NTRK3: variants seen among roughly 807,000 people sequenced by gnomAD.
The protein encoded by NTRK3 is neurotrophic receptor tyrosine kinase 3.
A neutral mutation model predicts 91.7 loss-of-function variants in NTRK3; 24 were observed. The ratio of observed to expected loss-of-function variants is 0.26; its 90% CI spans 0.19 to 0.37. The LOEUF (loss-of-function observed/expected upper bound fraction) is 0.37. Among genes scored for constraint, NTRK3 ranks in the 10% least tolerant of loss-of-function variants. The pLI, the probability that NTRK3 is intolerant of heterozygous loss-of-function variation, is 1.00. For synonymous variants in NTRK3, 483 were observed against 404.0 expected, an observed-to-expected ratio of 1.20 and a Z score of -2.34; for missense variants, 880 against 1,068.9, an observed-to-expected ratio of 0.82 and a Z score of 2.46.
chr15:87,984,820 A>T (rs76767964), intron 14 of NTRK3, among the ~76,000 whole-genome samples: 4,542 of 152,250 alleles, frequency 0.03, 244 homozygotes, highest in African/African-American at 0.1. Flanking sequence ...CCACTGCGGT[A>T]GCCACTCAGT....
chr15:87,933,133 C>T (rs780933441), exon 16 of NTRK3: 7 of 1,613,974 alleles, frequency 4.3e-6, no homozygotes, highest in African/African-American at 1.3e-5. Context: ...GTGAGCAGCT[C>T]GGCCTCCCTC....
At chr15:88,036,951 A>G (rs879475121) in intron 13 of NTRK3, among the ~76,000 whole-genome samples, 5 of 152,242 alleles carry the variant, frequency 3.3e-5, no homozygotes, top group African/African-American at 9.6e-5. Flanking sequence ...CTGCTCACAT[A>G]AAGTCCATAG....
At chr15:88,140,648 C>G (rs2042300546) in intron 6 of NTRK3, among the ~76,000 whole-genome samples, 1 of 152,222 alleles carries the variant, frequency 6.6e-6, no homozygotes, top group Non-Finnish European at 1.5e-5. Context: ...CATGCATCAT[C>G]AGAGCAATGA....
chr15:88,036,782 C>G lies in NTRK3; in HGVS notation c.1397-3737G>C, dbSNP rs150822980. Among the ~76,000 whole-genome samples the G allele has an allele frequency of 5.3e-4, 80 of 152,302 alleles. No individual in the cohort carries two copies. The Middle Eastern group carries it at 0.024, about 45-fold the overall frequency. On this transcript the variant is annotated intron_variant, in intron 13 of 18. Coordinates refer to ENST00000394480, the Ensembl canonical transcript of NTRK3. ...AATGCAGGAAGACACAAAGACCACACGCAACAGAAGTTCACCTCCAACCCC... is the reference window on the plus strand; with the variant it reads ...AATGCAGGAAGACACAAAGACCACAGGCAACAGAAGTTCACCTCCAACCCC...
chr15:87,877,255 G>A (rs2064991631), intron 18 of NTRK3, 135 bp from the exon 20 acceptor site: 3 of 911,520 alleles, frequency 3.3e-6, no homozygotes. Context: ...ACAAGCTAAA[G>A]GCTAGGCTGT....
chr15:88,223,840 C>T (rs1217180892), intron 3 of NTRK3, among the ~76,000 whole-genome samples: 2 of 152,154 alleles, frequency 1.3e-5, no homozygotes, highest in African/African-American at 4.8e-5. Flanking sequence ...AGGGTAGAGG[C>T]TAGAAACCGA....
intron 17 of NTRK3, among the ~76,000 whole-genome samples, chr15:87,922,223 G>A (rs1031496073): frequency 1.3e-5 from 2 of 152,172 alleles, no homozygotes; most frequent in African/African-American, 4.8e-5. Flanking sequence ...ACTTTCATCT[G>A]AGAGTTTCTC....
At chr15:88,116,341 T>A (rs1444583325) in intron 13 of NTRK3, among the ~76,000 whole-genome samples, 1 of 152,052 alleles carries the variant, frequency 6.6e-6, no homozygotes, top group Admixed American at 6.5e-5. Context: ...TCCCAGCACT[T>A]TGGGAGGCCC....
At chr15:88,047,855 C>T (rs928185962) in intron 13 of NTRK3, among the ~76,000 whole-genome samples, 4 of 152,120 alleles carry the variant, frequency 2.6e-5, no homozygotes, top group African/African-American at 9.7e-5. Flanking sequence ...ACTTAGGCCT[C>T]CTGTGTGTGG....
chr15:87,996,815 C>A (rs1276355585), intron 14 of NTRK3, among the ~76,000 whole-genome samples: 1 of 152,178 alleles, frequency 6.6e-6, no homozygotes, highest in Non-Finnish European at 1.5e-5. Flanking sequence ...CCACTTTAGA[C>A]TTGCTAAGAT....
intron 14 of NTRK3, among the ~76,000 whole-genome samples, chr15:88,001,719 A>G (rs924735159): frequency 6.6e-6 from 1 of 152,152 alleles, no homozygotes; most frequent in Non-Finnish European, 1.5e-5. Flanking sequence ...TGGCAGTACC[A>G]TATCGTCTCT....
chr15:87,916,399 A>T (rs1399183985), intron 17 of NTRK3: 1 of 641,006 alleles, frequency 1.6e-6, no homozygotes, highest in African/African-American at 1.8e-5. Context: ...GAGTAGAGAG[A>T]CGTGAATGAC....
chr15:87,993,332 C>T (rs2075428583), intron 14 of NTRK3, among the ~76,000 whole-genome samples: 1 of 152,144 alleles, frequency 6.6e-6, no homozygotes, highest in Non-Finnish European at 1.5e-5. Context: ...CTAATAGGAT[C>T]AGATAGCTGG....
chr15:87,945,803 GAAAA>G (rs34162356), intron 14 of NTRK3, among the ~76,000 whole-genome samples: 1 of 106,762 alleles, frequency 9.4e-6, no homozygotes, highest in African/African-American at 3.0e-5. Context: ...TGAAGACTGG[GAAAA>G]AAAAAAAAAA....
intron 17 of NTRK3, among the ~76,000 whole-genome samples, chr15:87,899,918 C>T (rs1341439136): frequency 3.3e-5 from 5 of 152,144 alleles, no homozygotes. Context: ...AGCCTTCTCA[C>T]ACACCTAAAG....
chr15:88,256,593 C>T, intron 1 of NTRK3, 51 bp downstream of exon 1: 1 of 480,190 alleles, frequency 2.1e-6, no homozygotes, highest in Non-Finnish European at 3.6e-6. Flanking sequence ...TTAAAACGGA[C>T]ACACCACGCA....
At chr15:88,152,908 G>C (rs1597631371) in intron 5 of NTRK3, among the ~76,000 whole-genome samples, 1 of 152,136 alleles carries the variant, frequency 6.6e-6, no homozygotes, top group Non-Finnish European at 1.5e-5. Context: ...TATTAAAAGA[G>C]ATAACAGACA....
In NTRK3 at chr15:88,163,552, T is replaced by G. The variant is rs2044659386; in HGVS notation, c.396-16149A>C. On this transcript the variant is annotated intron_variant, in intron 5 of 18. Transcript: ENST00000394480. ...GCTGCCTCTTGAATGGAGGGAATCC[T>G]GGAGTAAAACGACAGCTTTTCCCTC... Among the ~76,000 whole-genome samples, 4 of 152,232 alleles carry G rather than the reference T, an allele frequency of 2.6e-5. 1 individual carries two copies. Among genetic ancestry groups the G allele is most frequent in the Admixed American group, 1.3e-4 (2 of 15,290 alleles).
At chr15:88,245,347 A>G (rs1488647045) in intron 3 of NTRK3, among the ~76,000 whole-genome samples, 1 of 152,158 alleles carries the variant, frequency 6.6e-6, no homozygotes, top group Non-Finnish European at 1.5e-5. Context: ...GGGTATAGCT[A>G]ACCAGATTTT....
Sources: allele counts gnomAD v4.1 joint callset (sites outside exome capture counted in the v4.1 genomes callset), GRCh38; gene constraint gnomAD v4.1.1; transcripts MANE v1.5; gene names NCBI Gene and HGNC (gene_info 2026-07-23, HGNC 2026-07-21).